Variants in TTC6 observed in about 807,000 individuals in gnomAD.
TTC6 encodes tetratricopeptide repeat protein 6.
TTC6 carries 172 observed loss-of-function variants against 210.4 expected under a neutral mutation model. The ratio of observed to expected loss-of-function variants is 0.82; its 90% CI spans 0.72 to 0.93. TTC6 has a LOEUF of 0.93. TTC6 is among the 40% of genes least tolerant of loss of function. The probability of loss-of-function intolerance (pLI) is 0.00; values close to 1 mark genes in which losing one functional copy is unlikely to be tolerated. For missense variants in TTC6, 2,414 were observed against 2,318.1 expected, an observed-to-expected ratio of 1.04 and a Z score of -0.85; for synonymous variants, 804 against 819.6, an observed-to-expected ratio of 0.98 and a Z score of 0.32.
chr14:37,722,941 T>C (rs926981714), intron 6 of TTC6, among the ~76,000 whole-genome samples: 3 of 152,232 alleles, frequency 2.0e-5, no homozygotes, highest in Non-Finnish European at 2.9e-5. Context: ...AGAACTCTTC[T>C]ATATAGGAAG....
chr14:37,832,645 GT>G (rs1283968737), intron 29 of TTC6, among the ~76,000 whole-genome samples: 5 of 151,866 alleles, frequency 3.3e-5, no homozygotes, highest in Admixed American at 3.3e-4. Context: ...TGTTGTTGAT[GT>G]TTTATTCCCT....
At position 37,672,821 on chromosome 14, in the gene TTC6, A is replaced by ATTTTTTTTTTTTTTTTTTTTTTTTTTTT. The variant is rs377117749; in HGVS notation, c.940-7311_940-7310insTTTTTTTTTTTTTTTTTTTTTTTTTTTT. Among the ~76,000 whole-genome samples the ATTTTTTTTTTTTTTTTTTTTTTTTTTTT allele has an allele frequency of 1.5e-4, 19 of 128,988 alleles. 1 individual carries two copies. Among genetic ancestry groups the ATTTTTTTTTTTTTTTTTTTTTTTTTTTT allele is most frequent in the African/African-American group, 4.0e-4 (13 of 32,470 alleles). 84.6% of individuals were successfully genotyped at this position (128,988 alleles called of 152,430 possible). On this transcript the variant is annotated intron_variant, in intron 1 of 30. Coordinates refer to ENST00000553443, the Ensembl canonical transcript of TTC6. ...TAAGCAAGCTTTTCATGAATTCCTC[A>ATTTTTTTTTTTTTTTTTTTTTTTTTTTT]TTTTTTTTTTTTTTTTTTTACTAAA...
chr14:37,611,949 C>T (rs535080923), intron 2 of TTC6, among the ~76,000 whole-genome samples: 1 of 152,062 alleles, frequency 6.6e-6, no homozygotes, highest in Non-Finnish European at 1.5e-5. Flanking sequence ...CACAATGGAA[C>T]TGTTGCAAAC....
At chr14:37,739,220 A>G (rs1382196421) in intron 10 of TTC6, 65 bp downstream of exon 12, 1 of 1,345,984 alleles carries the variant, frequency 7.4e-7, no homozygotes, top group African/African-American at 1.5e-5. Context: ...TAATTTTATA[A>G]TCTCACCCCA....
chr14:37,721,244 G>T (rs1298473460), intron 6 of TTC6, among the ~76,000 whole-genome samples: 1 of 152,008 alleles, frequency 6.6e-6, no homozygotes, highest in Non-Finnish European at 1.5e-5. Flanking sequence ...GTTTTATCTT[G>T]TACTTTGAAT....
chr14:37,723,437 CTG>C (rs1263685623), intron 6 of TTC6, among the ~76,000 whole-genome samples: 1 of 152,132 alleles, frequency 6.6e-6, no homozygotes, highest in African/African-American at 2.4e-5. Context: ...ATGTAAACAT[CTG>C]TATCTATAGT....
At chr14:37,839,899 T>C (rs554931331) in intron 29 of TTC6, among the ~76,000 whole-genome samples, 3 of 152,342 alleles carry the variant, frequency 2.0e-5, no homozygotes, top group African/African-American at 7.2e-5. Flanking sequence ...ATTTATTAAA[T>C]AGGGAATCCT....
At chr14:37,748,363 C>T (rs2095942242) in intron 10 of TTC6, among the ~76,000 whole-genome samples, 1 of 152,168 alleles carries the variant, frequency 6.6e-6, no homozygotes, top group Non-Finnish European at 1.5e-5. Context: ...AGTACAGTAG[C>T]AGCCCTATGG....
At chr14:37,710,804 A>C (rs528411607) in intron 5 of TTC6, among the ~76,000 whole-genome samples, 1 of 152,276 alleles carries the variant, frequency 6.6e-6, no homozygotes, top group African/African-American at 2.4e-5. Flanking sequence ...TTGTTTCATA[A>C]GTGTATCAAT....
At chr14:37,771,377 T>A (rs2096018072) in intron 14 of TTC6, among the ~76,000 whole-genome samples, 1 of 152,270 alleles carries the variant, frequency 6.6e-6, no homozygotes, top group African/African-American at 2.4e-5. Flanking sequence ...GAAGTTCTCC[T>A]GGATAATATC....
At chr14:37,636,573 T>TA (rs35292936) in intron 1 of TTC6, among the ~76,000 whole-genome samples, 30,709 of 150,950 alleles carry the variant, frequency 0.2, 3,386 homozygotes, top group South Asian at 0.27. Context: ...AGCTGCTTTG[T>TA]AAAAAAAAAG....
At chr14:37,747,379 A>C (rs1461779853) in intron 10 of TTC6, among the ~76,000 whole-genome samples, 1 of 152,254 alleles carries the variant, frequency 6.6e-6, no homozygotes, top group South Asian at 2.1e-4. Flanking sequence ...AAAAATGTCA[A>C]AGTACAAGGA....
intron 1 of TTC6, among the ~76,000 whole-genome samples, chr14:37,626,530 A>G (rs1170554685): frequency 6.6e-6 from 1 of 152,188 alleles, no homozygotes; most frequent in Non-Finnish European, 1.5e-5. Context: ...TCTTCCTGCT[A>G]AGTAAAACTA....
chr14:37,604,184 G>A (rs1264552279), intron 1 of TTC6, among the ~76,000 whole-genome samples: 1 of 152,190 alleles, frequency 6.6e-6, no homozygotes, highest in East Asian at 1.9e-4. Flanking sequence ...CATGGGAACT[G>A]GGCTGCCGGG....
At chr14:37,797,116 G>T (rs1039484803) in intron 20 of TTC6, among the ~76,000 whole-genome samples, 169 bp downstream of exon 22, 5 of 151,872 alleles carry the variant, frequency 3.3e-5, no homozygotes, top group Non-Finnish European at 7.4e-5. Context: ...TTAAGAACAG[G>T]GCTGCCCTAA....
chr14:37,666,548 T>C (rs148137190), intron 1 of TTC6, among the ~76,000 whole-genome samples: 3,887 of 149,936 alleles, frequency 0.026, 328 homozygotes, highest in Non-Finnish European at 0.041. Flanking sequence ...GCAGGTAGAG[T>C]GCCTGGTTAG....
chr14:37,695,163 C>G (rs934156507), intron 3 of TTC6, among the ~76,000 whole-genome samples: 7 of 151,392 alleles, frequency 4.6e-5, no homozygotes, highest in Admixed American at 2.0e-4. Context: ...CAGATTCTCA[C>G]TTATTTGTGG....
intron 5 of TTC6, among the ~76,000 whole-genome samples, chr14:37,708,175 T>C (rs1330001423): frequency 2.0e-5 from 3 of 151,994 alleles, no homozygotes; most frequent in Non-Finnish European, 4.4e-5. Flanking sequence ...TATATATCTA[T>C]ATATATAAAT....
intron 2 of TTC6, among the ~76,000 whole-genome samples, chr14:37,616,932 A>C (rs748998979): frequency 2.0e-5 from 3 of 152,134 alleles, no homozygotes; most frequent in Non-Finnish European, 2.9e-5. Flanking sequence ...GCTGGAGTGC[A>C]GTGGCACAAT....
Sources: allele counts gnomAD v4.1 joint callset (sites outside exome capture counted in the v4.1 genomes callset), GRCh38; gene constraint gnomAD v4.1.1; transcripts MANE v1.5; gene names NCBI Gene and HGNC (gene_info 2026-07-23, HGNC 2026-07-21).